The following CNR2 variants were observed in gnomAD, a reference collection of about 807,000 sequenced individuals.
The protein encoded by CNR2 is cannabinoid receptor 2 (macrophage).
For missense variants in CNR2, 379 were observed against 439.9 expected, an observed-to-expected ratio of 0.86 and a Z score of 1.24; for synonymous variants, 172 against 182.2, an observed-to-expected ratio of 0.94 and a Z score of 0.45.
chr1:23,907,981 C>CTTTTTTTTTTTT (rs35507609), intron 1 of CNR2: 4 of 79,290 alleles, frequency 5.0e-5, no homozygotes, highest in Non-Finnish European at 6.5e-5. Flanking sequence ...CTAACTACTG[C>CTTTTTTTTTTTT]TTTTTTTTTT....
chr1:23,900,520 T>C (rs1640381098), intron 1 of CNR2, among the ~76,000 whole-genome samples: 1 of 150,560 alleles, frequency 6.6e-6, no homozygotes, highest in African/African-American at 2.4e-5. Flanking sequence ...TTTTTTTTTT[T>C]TTTTTGAGAC....
intron 1 of CNR2, chr1:23,902,664 G>T: frequency 1.3e-6 from 2 of 1,595,418 alleles, no homozygotes; most frequent in South Asian, 2.2e-5. Flanking sequence ...CGCCCCCGGG[G>T]GTCCCACGAC....
chr1:23,902,592 A>C, intron 1 of CNR2: 17 of 1,605,978 alleles, frequency 1.1e-5, no homozygotes, highest in Admixed American at 5.0e-5. Flanking sequence ...CCAGTAGAAC[A>C]TGGCATAGAA....
intron 1 of CNR2, among the ~76,000 whole-genome samples, chr1:23,901,304 G>T (rs1640394482): frequency 6.6e-6 from 1 of 152,134 alleles, no homozygotes; most frequent in Non-Finnish European, 1.5e-5. Flanking sequence ...CAATCCCCCA[G>T]CTCTGGCTGT....
At chr1:23,879,293 CA>C (rs1639939358) in intron 1 of CNR2, among the ~76,000 whole-genome samples, 1 of 151,910 alleles carries the variant, frequency 6.6e-6, no homozygotes, top group Non-Finnish European at 1.5e-5. Context: ...GACTCTGTTT[CA>C]AAAAACAAAA....
intron 1 of CNR2, among the ~76,000 whole-genome samples, chr1:23,893,138 T>C (rs1640217312): frequency 1.3e-5 from 2 of 152,336 alleles, no homozygotes; most frequent in Admixed American, 6.5e-5. Flanking sequence ...CAGTCTTCCC[T>C]GTGGGGCCGA....
intron 1 of CNR2, among the ~76,000 whole-genome samples, chr1:23,910,091 G>A (rs1640558463): frequency 1.3e-5 from 2 of 151,100 alleles, no homozygotes; most frequent in African/African-American, 4.9e-5. Flanking sequence ...TGGGACCACA[G>A]GCATGTGCCA....
rs567171735 is a variant in CNR2 at position 23,898,285 on chromosome 1, C to A, written c.-46+14961G>T. 3.7e-3 allele frequency among the ~76,000 whole-genome samples: 563 copies of A among 151,208 alleles called. 1 individual carries two copies. Among genetic ancestry groups the A allele is most frequent in the Non-Finnish European group, 5.8e-3 (393 of 67,890 alleles). ...ATCTCCTGACCTTGTGATCCGCCCG[C>A]CTCAGCCTCCCAAAGTGCTGGGATT... On this transcript the variant is annotated intron_variant, in intron 1 of 1. Transcript: ENST00000374472.
chr1:23,906,057 T>G (rs1025447912), intron 1 of CNR2, among the ~76,000 whole-genome samples: 1 of 152,102 alleles, frequency 6.6e-6, no homozygotes, highest in African/African-American at 2.4e-5. Context: ...GAACTTACCC[T>G]CGGAACCAAC....
At position 23,874,476 on chromosome 1, in the gene CNR2, CT is replaced by C; in HGVS notation, c.*58del. On this transcript the variant is annotated 3_prime_UTR_variant, in exon 2 of 2. Transcript: ENST00000374472. Reference sequence around the variant, plus strand: ...GAAGAGAGTGCCAAGACCCCTCTCTCTCTTCCAGGGAGTGAACTGATTTCTG... The same window carrying C: ...GAAGAGAGTGCCAAGACCCCTCTCTCCTTCCAGGGAGTGAACTGATTTCTG... 2.6e-6 allele frequency: 4 copies of C among 1,539,636 alleles called. No individual in the cohort carries two copies. The Middle Eastern group carries it at 5.3e-4, about 202-fold the overall frequency.
At chr1:23,903,381 C>T (rs1640435925) in intron 1 of CNR2, among the ~76,000 whole-genome samples, 1 of 151,398 alleles carries the variant, frequency 6.6e-6, no homozygotes, top group Admixed American at 6.6e-5. Flanking sequence ...TCAAGACAAG[C>T]CTGGGCAACA....
At chr1:23,880,518 A>C (rs1460959891) in intron 1 of CNR2, among the ~76,000 whole-genome samples, 2 of 151,670 alleles carry the variant, frequency 1.3e-5, no homozygotes, top group Admixed American at 6.6e-5. Flanking sequence ...CCTCGTCTTT[A>C]TTTTTTCCAT....
chr1:23,884,804 AT>A lies in CNR2; in HGVS notation c.-45-9143del, dbSNP rs34296408. Among the ~76,000 whole-genome samples, 854 of 149,026 alleles carry A rather than the reference AT, an allele frequency of 5.7e-3. 4 individuals are homozygous for A. Among genetic ancestry groups the A allele is most frequent in the Non-Finnish European group, 9.1e-3 (615 of 67,260 alleles). On this transcript the variant is annotated intron_variant, in intron 1 of 1. Coordinates refer to ENST00000374472, the MANE Select transcript of CNR2 (RefSeq NM_001841.3). ...GCTGCATAGCAGGTGCTCAAAAACA[AT>A]TTTTTTTTTTTTTGAGATAGAGTCT...
chr1:23,894,634 T>C (rs1640247510), intron 1 of CNR2, among the ~76,000 whole-genome samples: 2 of 74,854 alleles, frequency 2.7e-5, no homozygotes, highest in Non-Finnish European at 5.1e-5. Flanking sequence ...AAACCCCATC[T>C]GTATTATAAA....
rs552804717 is a variant in CNR2 at position 23,902,296 on chromosome 1, G to C, written c.-46+10950C>G. 8.0e-6 allele frequency: 12 copies of C among 1,508,688 alleles called. No homozygotes were observed. The South Asian group carries it at 1.5e-4, about 19-fold the overall frequency. 93.5% of individuals were successfully genotyped at this position (1,508,688 alleles called of 1,614,324 possible). A position where few individuals can be genotyped will look rare whatever the true frequency, so the allele number is the denominator to read the frequency against. On this transcript the variant is annotated intron_variant, in intron 1 of 1. Transcript: ENST00000374472. ...TGGGACCGCAGGGCCATCTCGGCCT[G>C]TGCGTCGATGACCTCCCAGCAGCGC...
intron 1 of CNR2, among the ~76,000 whole-genome samples, chr1:23,898,680 T>C (rs1426625324): frequency 8.4e-6 from 1 of 119,182 alleles, no homozygotes; most frequent in African/African-American, 3.3e-5. Flanking sequence ...TGAGACAAAG[T>C]CTCACTCTGC....
intron 1 of CNR2, chr1:23,902,645 C>T: frequency 6.3e-7 from 1 of 1,597,296 alleles, no homozygotes; most frequent in South Asian, 1.1e-5. Flanking sequence ...GGGCGGGCAC[C>T]GTCCTGGTCG....
intron 1 of CNR2, among the ~76,000 whole-genome samples, chr1:23,900,465 C>T (rs1166068179): frequency 6.7e-6 from 1 of 149,598 alleles, no homozygotes; most frequent in Admixed American, 6.6e-5. Context: ...GGCATGGGGT[C>T]TCTCTTATAC....
chr1:23,904,298 G>A (rs1452887036), intron 1 of CNR2, among the ~76,000 whole-genome samples: 2 of 150,068 alleles, frequency 1.3e-5, no homozygotes, highest in Admixed American at 6.7e-5. Context: ...TCAGCCTCCC[G>A]AGTAGCTTGG....
Sources: allele counts gnomAD v4.1 joint callset (sites outside exome capture counted in the v4.1 genomes callset), GRCh38; gene constraint gnomAD v4.1.1; transcripts MANE v1.5; gene names NCBI Gene and HGNC (gene_info 2026-07-23, HGNC 2026-07-21).